Variants in CCDC32 observed in about 807,000 individuals in gnomAD.
CCDC32 encodes coiled-coil domain-containing protein 32.
A neutral mutation model predicts 20.1 loss-of-function variants in CCDC32; 9 were observed. The ratio of observed to expected loss-of-function variants is 0.45; its 90% CI spans 0.27 to 0.78. The LOEUF (loss-of-function observed/expected upper bound fraction) is 0.78, where lower values mean the gene tolerates loss of function less well. Ranked by LOEUF, CCDC32 falls within the 30% of genes least tolerant of loss-of-function variation. The pLI is 0.16. For missense variants in CCDC32, 204 were observed against 215.5 expected (o/e 0.95, Z 0.33); for synonymous variants, 63 against 79.0 (o/e 0.80, Z 1.07).
downstream of CCDC32, chr15:40,534,834 C>T: frequency 4.3e-6 from 3 of 699,568 alleles, no homozygotes; most frequent in Non-Finnish European, 7.8e-6. Flanking sequence ...AGTGTTTCAA[C>T]ATGTATATTT....
At chr15:40,535,308 AG>A, downstream of CCDC32, 1 of 1,263,268 alleles carries the variant, frequency 7.9e-7, no homozygotes, top group Non-Finnish European at 1.0e-6. Flanking sequence ...GTAGGTGATG[AG>A]CCATTATCAT....
At chr15:40,534,594 C>G, downstream of CCDC32, 1 of 274,024 alleles carries the variant, frequency 3.6e-6, no homozygotes, top group Non-Finnish European at 6.9e-6. Flanking sequence ...TCCTTCCCAC[C>G]ACACGTGGGG....
Position 40,564,891 on chromosome 15 carries a change from G to T in CCDC32, c.-13+85C>A. On this transcript the variant is annotated intron_variant, in intron 1 of 3. Coordinates refer to ENST00000416810, the MANE Select transcript of CCDC32 (RefSeq NM_001080792.4). ...GGGCTGTCTGGACGGGATGAATCAG[G>T]TCCCAAGGCCTCTATGTGGTATTCC... 2.9e-6 allele frequency: 4 copies of T among 1,393,780 alleles called. No homozygotes were observed. In the Admixed American group the frequency reaches 5.4e-5, roughly 19 times the overall value. The allele number at this position is 1,393,780 out of a possible 1,614,324, so 86.3% of individuals were successfully genotyped here. A position where few individuals can be genotyped will look rare whatever the true frequency, so the allele number is the denominator to read the frequency against.
At position 40,553,327 on chromosome 15, in the gene CCDC32, A is replaced by G; in HGVS notation, c.*644T>C. The stretch of plus-strand genomic sequence containing the variant: ...GCCATGCATGAAGTAAAAAATACAT[A>G]TACACAGACATAAACACCCACATTT... On this transcript the variant is annotated 3_prime_UTR_variant, in exon 4 of 4. Coordinates refer to ENST00000416810, the MANE Select transcript of CCDC32 (RefSeq NM_001080792.4). The G allele has an allele frequency of 4.1e-6, 4 of 985,394 alleles. No homozygotes were observed. Among genetic ancestry groups the G allele is most frequent in the Non-Finnish European group, 4.8e-6 (4 of 829,938 alleles). 61.0% of individuals were successfully genotyped at this position (985,394 alleles called of 1,614,324 possible).
At chr15:40,550,838 A>G (rs1362125533), downstream of CCDC32, among the ~76,000 whole-genome samples, 1 of 152,178 alleles carries the variant, frequency 6.6e-6, no homozygotes, top group East Asian at 1.9e-4. Context: ...CCACCCTCTC[A>G]TATTCCAATT....
intron 1 of CCDC32, among the ~76,000 whole-genome samples, chr15:40,563,888 T>A (rs1399157373): frequency 6.6e-6 from 1 of 151,940 alleles, no homozygotes; most frequent in Admixed American, 6.6e-5. Context: ...TGGCGCTAAC[T>A]TGGCTCACTG....
intron 2 of CCDC32, among the ~76,000 whole-genome samples, chr15:40,561,274 A>G (rs1240765213): frequency 6.6e-6 from 1 of 152,066 alleles, no homozygotes; most frequent in South Asian, 2.1e-4. Flanking sequence ...GGAGTTCGAG[A>G]CCACTCTGAC....
intron 1 of CCDC32, 101 bp from the exon 2 acceptor site, chr15:40,563,128 C>A: frequency 7.2e-7 from 1 of 1,392,786 alleles, no homozygotes; most frequent in African/African-American, 1.4e-5. Flanking sequence ...TTTGGGAAGC[C>A]GAGGCAGTCA....
the CCDC32 span, among the ~76,000 whole-genome samples, chr15:40,521,075 G>A: frequency 6.6e-6 from 1 of 152,156 alleles, no homozygotes; most frequent in African/African-American, 2.4e-5. Context: ...TCTTCGCGTC[G>A]AGTAGGCTGA....
At chr15:40,564,943 A>G in intron 1 of CCDC32, 33 bp downstream of exon 1, 1 of 792,250 alleles carries the variant, frequency 1.3e-6, no homozygotes, top group Non-Finnish European at 2.0e-6. Context: ...GGGAGATCCA[A>G]AACGCTGGGC....
chr15:40,522,905 CAA>C, the CCDC32 span, among the ~76,000 whole-genome samples: 2 of 149,674 alleles, frequency 1.3e-5, no homozygotes, highest in African/African-American at 4.9e-5. Flanking sequence ...TCACTCACTG[CAA>C]CTTCGGTCTC....
At chr15:40,551,323 A>G (rs2141625861), downstream of CCDC32, among the ~76,000 whole-genome samples, 1 of 152,184 alleles carries the variant, frequency 6.6e-6, no homozygotes, top group South Asian at 2.1e-4. Flanking sequence ...CAGAGCTTGC[A>G]GTGAGCCAAG....
intron 1 of CCDC32, 67 bp from the exon 2 acceptor site, chr15:40,563,094 G>A: frequency 6.6e-7 from 1 of 1,526,474 alleles, no homozygotes; most frequent in East Asian, 2.3e-5. Flanking sequence ...TGAGCACAGT[G>A]GCTCACGACT....
intron 3 of CCDC32, among the ~76,000 whole-genome samples, chr15:40,546,412 C>T (rs1192510497): frequency 6.6e-6 from 1 of 151,428 alleles, no homozygotes; most frequent in Non-Finnish European, 1.5e-5. Context: ...TGGTCTCAAA[C>T]TCCTGTGCTC....
chr15:40,547,384 G>A (rs773209185), intron 3 of CCDC32, among the ~76,000 whole-genome samples: 10 of 152,114 alleles, frequency 6.6e-5, no homozygotes, highest in South Asian at 6.2e-4. Flanking sequence ...GTCTTAAATA[G>A]GTCCTAGGCA....
At chr15:40,521,227 C>T in the CCDC32 span, among the ~76,000 whole-genome samples, 1 of 152,124 alleles carries the variant, frequency 6.6e-6, no homozygotes, top group Non-Finnish European at 1.5e-5. Flanking sequence ...AAAAGAAACC[C>T]TATATCCATT....
At chr15:40,554,879 C>A (rs1227531453) in intron 3 of CCDC32, among the ~76,000 whole-genome samples, 1 of 152,200 alleles carries the variant, frequency 6.6e-6, no homozygotes, top group Non-Finnish European at 1.5e-5. Flanking sequence ...CTATGCTCCT[C>A]AATAGCACAA....
chr15:40,555,280 T>TTCA (rs1349101509), intron 3 of CCDC32, among the ~76,000 whole-genome samples: 2 of 152,194 alleles, frequency 1.3e-5, no homozygotes, highest in Non-Finnish European at 2.9e-5. Context: ...TACCACACTT[T>TTCA]TCATCAAATT....
chr15:40,539,354 G>T (rs1889274345), exon 4 of CCDC32: 2 of 1,535,384 alleles, frequency 1.3e-6, no homozygotes, highest in Non-Finnish European at 1.7e-6. Context: ...GAGTTACAGG[G>T]CCTATGGGAA....
Sources: allele counts gnomAD v4.1 joint callset (sites outside exome capture counted in the v4.1 genomes callset), GRCh38; gene constraint gnomAD v4.1.1; transcripts MANE v1.5; gene names NCBI Gene and HGNC (gene_info 2026-07-23, HGNC 2026-07-21).